GLIS3: variants seen among roughly 807,000 people sequenced by gnomAD.
GLIS3 encodes zinc finger protein GLIS3.
GLIS3 carries 53 observed loss-of-function variants against 78.6 expected under a neutral mutation model. That is an observed-to-expected ratio of 0.67 (90% confidence interval 0.54 to 0.85). The LOEUF is 0.85. Among genes scored for constraint, GLIS3 ranks in the 40% least tolerant of loss-of-function variants. The probability of loss-of-function intolerance (pLI) is 0.00; values close to 1 mark genes in which losing one functional copy is unlikely to be tolerated. For missense variants in GLIS3, 1,703 were observed against 1,231.1 expected (o/e 1.38, Z -5.74); for synonymous variants, 684 against 509.9 (o/e 1.34, Z -4.60).
chr9:3,828,346 C>A lies in GLIS3; in HGVS notation c.2719G>T (p.Asp907Tyr). 1 of 1,614,046 alleles carries A rather than the reference C, an allele frequency of 6.2e-7. No individual in the cohort carries two copies. The change falls in exon 11 of 11, where the codon GAT becomes TAT. Residue 907 changes from aspartate (D) to tyrosine (Y), a missense_variant. Asp to Tyr is a radical substitution (Grantham distance 160). Transcript: ENST00000381971. ...GTGCTGATCTGCAAGAAGGTAGCATCTTCAGCCCCGCTGCGGAGAGACTCC... is the reference window on the plus strand; with the variant it reads ...GTGCTGATCTGCAAGAAGGTAGCATATTCAGCCCCGCTGCGGAGAGACTCC... ...FGESLRSGAE[D>Y]ATFLQISTVD... is the part of the protein sequence containing the mutation.
At chr9:4,149,891 A>G (rs148348217) in intron 2 of GLIS3, among the ~76,000 whole-genome samples, 88 of 152,376 alleles carry the variant, frequency 5.8e-4, no homozygotes, top group African/African-American at 2.1e-3. Context: ...TAGAAACAAG[A>G]TATGAAGTAT....
intron 9 of GLIS3, among the ~76,000 whole-genome samples, chr9:3,854,511 G>A (rs1022822374): frequency 1.3e-4 from 19 of 149,752 alleles, no homozygotes; most frequent in African/African-American, 4.7e-4. Flanking sequence ...ATATCACCTC[G>A]TCTTTGCTGT....
In GLIS3 at chr9:3,952,957, ATTTATG is replaced by A. The variant is rs1017534009; in HGVS notation, c.1711-15774_1711-15769del. Among the ~76,000 whole-genome samples the A allele has an allele frequency of 3.3e-5, 5 of 152,302 alleles. 1 individual carries two copies. Among genetic ancestry groups the A allele is most frequent in the Admixed American group, 6.5e-5 (1 of 15,302 alleles). ...CCAGCTTTTCCCTTATGCGAGTCTTATTTATGTTTAATTTAAAAAAATCATATTGTG... is the reference window on the plus strand; with the variant it reads ...CCAGCTTTTCCCTTATGCGAGTCTTATTTAATTTAAAAAAATCATATTGTG... On this transcript the variant is annotated intron_variant, in intron 4 of 10. Coordinates refer to ENST00000381971, the MANE Select transcript of GLIS3 (RefSeq NM_001042413.2).
chr9:4,028,713 A>G (rs183028819), intron 4 of GLIS3, among the ~76,000 whole-genome samples: 214 of 133,834 alleles, frequency 1.6e-3, no homozygotes, highest in Non-Finnish European at 3.0e-3. Flanking sequence ...TTTTGAATTG[A>G]GTAAGATTTT....
At chr9:4,469,323 C>G in the GLIS3 span, among the ~76,000 whole-genome samples, 3 of 152,186 alleles carry the variant, frequency 2.0e-5, no homozygotes, top group Non-Finnish European at 4.4e-5. Context: ...CCCAAATCAA[C>G]AGAATATACA....
At chr9:4,272,325 TG>T (rs1826584356) in intron 2 of GLIS3, among the ~76,000 whole-genome samples, 1 of 152,198 alleles carries the variant, frequency 6.6e-6, no homozygotes, top group East Asian at 1.9e-4. Context: ...GTAGAAATTC[TG>T]GTAGACATAA....
chr9:4,288,689 T>G, intron 1 of GLIS3, among the ~76,000 whole-genome samples: 1 of 152,036 alleles, frequency 6.6e-6, no homozygotes, highest in East Asian at 1.9e-4. Flanking sequence ...TTATTTTATT[T>G]TATTTTTTTT....
chr9:3,984,326 G>C (rs1819549344), intron 4 of GLIS3, among the ~76,000 whole-genome samples: 1 of 152,260 alleles, frequency 6.6e-6, no homozygotes, highest in Non-Finnish European at 1.5e-5. Flanking sequence ...CACGGGCAGA[G>C]CTGCCCAAGA....
At chr9:3,886,648 C>G (rs1441503000) in intron 7 of GLIS3, among the ~76,000 whole-genome samples, 6 of 152,200 alleles carry the variant, frequency 3.9e-5, no homozygotes, top group Non-Finnish European at 7.3e-5. Flanking sequence ...GGGGGTGACT[C>G]AAGTTTTGGC....
intron 6 of GLIS3, among the ~76,000 whole-genome samples, chr9:3,907,730 G>A (rs1823821988): frequency 6.6e-6 from 1 of 152,028 alleles, no homozygotes; most frequent in Non-Finnish European, 1.5e-5. Flanking sequence ...CTGTGGGATT[G>A]GGCTAGGCTG....
At chr9:4,437,839 C>A in the GLIS3 span, among the ~76,000 whole-genome samples, 1 of 152,268 alleles carries the variant, frequency 6.6e-6, no homozygotes, top group South Asian at 2.1e-4. Flanking sequence ...AAATATATTT[C>A]TCTTTCTTAC....
At chr9:4,438,565 T>G in the GLIS3 span, among the ~76,000 whole-genome samples, 1 of 152,202 alleles carries the variant, frequency 6.6e-6, no homozygotes. Flanking sequence ...GTGTTTTTCA[T>G]TACTTTGCAT....
intron 4 of GLIS3, among the ~76,000 whole-genome samples, chr9:3,991,749 GGT>G (rs1201016884): frequency 7.0e-6 from 1 of 142,466 alleles, no homozygotes; most frequent in African/African-American, 2.7e-5. Flanking sequence ...GGAGTGCAGT[GGT>G]GGGATCTCGG....
chr9:3,953,597 T>C (rs1000002410), intron 4 of GLIS3, among the ~76,000 whole-genome samples: 1 of 152,210 alleles, frequency 6.6e-6, no homozygotes, highest in Non-Finnish European at 1.5e-5. Flanking sequence ...TTTGTACAAA[T>C]GGTTTCGCCT....
At chr9:4,333,266 A>AAGGGGAAGGGGAATGGT (rs1311667302) in intron 2 of GLIS3, among the ~76,000 whole-genome samples, 3 of 149,704 alleles carry the variant, frequency 2.0e-5, no homozygotes, top group Non-Finnish European at 4.4e-5. Context: ...GAAAAATGGG[A>AAGGGGAAGGGGAATGGT]AGGGGAAGGG....
intron 2 of GLIS3, among the ~76,000 whole-genome samples, chr9:4,222,508 C>G (rs1408308661): frequency 6.6e-6 from 1 of 152,202 alleles, no homozygotes; most frequent in African/African-American, 2.4e-5. Flanking sequence ...ACACTCACCA[C>G]CTACAATAAA....
intron 6 of GLIS3, among the ~76,000 whole-genome samples, chr9:3,905,526 CT>C (rs1823638353): frequency 1.3e-5 from 2 of 152,164 alleles, no homozygotes; most frequent in Non-Finnish European, 2.9e-5. Context: ...AGGTTTGTCA[CT>C]TGGTTGCATC....
At chr9:4,110,732 A>G (rs1439992717) in intron 4 of GLIS3, among the ~76,000 whole-genome samples, 1 of 152,204 alleles carries the variant, frequency 6.6e-6, no homozygotes. Flanking sequence ...TACAACAAGC[A>G]TTGTCTTATT....
chr9:4,080,705 G>A (rs1828484307), intron 4 of GLIS3, among the ~76,000 whole-genome samples: 2 of 152,114 alleles, frequency 1.3e-5, no homozygotes, highest in Admixed American at 6.5e-5. Flanking sequence ...GACATATTTT[G>A]TAGTTGGCTG....
Sources: allele counts gnomAD v4.1 joint callset (sites outside exome capture counted in the v4.1 genomes callset), GRCh38; gene constraint gnomAD v4.1.1; transcripts MANE v1.5; gene names NCBI Gene and HGNC (gene_info 2026-07-23, HGNC 2026-07-21).